GCNT1: variants seen among roughly 807,000 people sequenced by gnomAD.
The protein encoded by GCNT1 is beta-1,3-galactosyl-O-glycosyl-glycoprotein beta-1,6-N-acetylglucosaminyltransferase.
GCNT1 carries 16 observed loss-of-function variants against 26.2 expected under a neutral mutation model. The observed-to-expected ratio is 0.61, with a 90% CI of 0.41 to 0.93. The LOEUF is 0.93. Ranked by LOEUF, GCNT1 falls within the 40% of genes least tolerant of loss-of-function variation. GCNT1 has a pLI of 0.00. For synonymous variants in GCNT1, 183 were observed against 190.8 expected, an observed-to-expected ratio of 0.96 and a Z score of 0.34; for missense variants, 477 against 526.7, an observed-to-expected ratio of 0.91 and a Z score of 0.92.
intron 2 of GCNT1, among the ~76,000 whole-genome samples, chr9:76,493,950 T>G (rs1824825494): frequency 6.6e-6 from 1 of 152,072 alleles, no homozygotes; most frequent in Admixed American, 6.6e-5. Context: ...AGCCACTTCT[T>G]TTTCAGGGTT....
chr9:76,425,791 G>A (rs1226304620), intron 1 of GCNT1, among the ~76,000 whole-genome samples: 7 of 152,120 alleles, frequency 4.6e-5, no homozygotes, highest in Non-Finnish European at 8.8e-5. Context: ...AGTCAAGAGC[G>A]CTGATTGGTT....
chr9:76,450,698 T>G (rs1450028715), intron 1 of GCNT1, among the ~76,000 whole-genome samples: 1 of 152,230 alleles, frequency 6.6e-6, no homozygotes, highest in Admixed American at 6.5e-5. Flanking sequence ...TAGTGAAGTA[T>G]CTTATCATGC....
intron 1 of GCNT1, among the ~76,000 whole-genome samples, chr9:76,433,040 AC>A: frequency 6.6e-6 from 1 of 152,038 alleles, no homozygotes; most frequent in African/African-American, 2.4e-5. Flanking sequence ...GTGGGAGACC[AC>A]CCTTGTGGCC....
upstream of GCNT1, among the ~76,000 whole-genome samples, chr9:76,456,497 ACT>A (rs1343560586): frequency 6.6e-6 from 1 of 151,742 alleles, no homozygotes; most frequent in East Asian, 1.9e-4. Flanking sequence ...TCCTGCAGTT[ACT>A]CTCTCTCTGT....
the GCNT1 span, among the ~76,000 whole-genome samples, chr9:76,402,650 A>G: frequency 6.6e-6 from 1 of 151,684 alleles, no homozygotes; most frequent in Non-Finnish European, 1.5e-5. Context: ...CAGCTGCCTC[A>G]TAATAACCCA....
rs1165657950 is a variant in GCNT1, at chr9:76,425,136, CTAAAAAAAAAAA to C, written n.38+5250_38+5261del. On this transcript the variant is annotated intron_variant and non_coding_transcript_variant, in intron 1 of 3. Transcript: ENST00000488136. ...CCTGGATGACAGAACGAAACTCCGT[CTAAAAAAAAAAA>C]AAAAAAAAAAAAGACATTGAACCAT... Among the ~76,000 whole-genome samples, 374 of 58,750 alleles carry C rather than the reference CTAAAAAAAAAAA, an allele frequency of 6.4e-3. 2 individuals carry two copies. The highest frequency in any genetic ancestry group is 0.022 in the African/African-American group (361 of 16,066). 38.5% of individuals were successfully genotyped at this position (58,750 alleles called of 152,430 possible). A position where few individuals can be genotyped will look rare whatever the true frequency, so the allele number is the denominator to read the frequency against.
chr9:76,396,051 C>T, the GCNT1 span, among the ~76,000 whole-genome samples: 2 of 152,160 alleles, frequency 1.3e-5, no homozygotes. Context: ...TTTTTAACTT[C>T]ATCAGCAGTG....
At chr9:76,415,539 C>T (rs1393697403), upstream of GCNT1, among the ~76,000 whole-genome samples, 1 of 152,158 alleles carries the variant, frequency 6.6e-6, no homozygotes, top group African/African-American at 2.4e-5. Flanking sequence ...AATTCATGGC[C>T]TAGCCAAAGA....
At chr9:76,485,394 G>C (rs1323811715) in intron 2 of GCNT1, among the ~76,000 whole-genome samples, 1 of 151,630 alleles carries the variant, frequency 6.6e-6, no homozygotes, top group Non-Finnish European at 1.5e-5. Flanking sequence ...GCCTGGTCTT[G>C]AACTCCTGAC....
chr9:76,398,633 A>G, the GCNT1 span: 13 of 889,046 alleles, frequency 1.5e-5, no homozygotes, highest in Non-Finnish European at 2.3e-5. Flanking sequence ...TTTCCGCGCT[A>G]CCTACAGAGG....
intron 2 of GCNT1, among the ~76,000 whole-genome samples, chr9:76,491,662 C>T (rs1234493078): frequency 2.6e-5 from 4 of 152,172 alleles, no homozygotes; most frequent in African/African-American, 9.7e-5. Flanking sequence ...CACAAATGAA[C>T]ATCCATTGGT....
chr9:76,435,759 G>C (rs1193720963), intron 1 of GCNT1, among the ~76,000 whole-genome samples: 3 of 152,120 alleles, frequency 2.0e-5, no homozygotes, highest in Non-Finnish European at 4.4e-5. Flanking sequence ...TCACATCAGA[G>C]GTTGGGACTT....
rs1825204172 is a variant in GCNT1, at chr9:76,505,124, GACTTTAAAC to G, written c.*1458_*1466del. ...TGTGAGGCTTTGTCATTTAGCATTA[GACTTTAAAC>G]AAGAATTAAAATCATGTGCTGTATT... On this transcript the variant is annotated 3_prime_UTR_variant, in exon 4 of 4. Coordinates refer to ENST00000376730, the MANE Select transcript of GCNT1 (RefSeq NM_001490.5). 2.4e-6 allele frequency: 1 copy of G among 410,644 alleles called. No homozygotes were observed. Among genetic ancestry groups the G allele is most frequent in the African/African-American group, 2.1e-5 (1 of 48,550 alleles). 25.4% of individuals were successfully genotyped at this position (410,644 alleles called of 1,614,324 possible). A position where few individuals can be genotyped will look rare whatever the true frequency, so the allele number is the denominator to read the frequency against.
chr9:76,394,005 C>T, the GCNT1 span: 3 of 1,333,018 alleles, frequency 2.3e-6, no homozygotes, highest in Non-Finnish European at 2.1e-6. Flanking sequence ...GGAGGCCCCA[C>T]GCCCCGGTCC....
intron 1 of GCNT1, among the ~76,000 whole-genome samples, chr9:76,450,926 T>C (rs922789331): frequency 2.6e-5 from 4 of 152,236 alleles, no homozygotes; most frequent in African/African-American, 9.6e-5. Context: ...TTCTGAGAAA[T>C]GCTGCCTGCT....
intron 2 of GCNT1, among the ~76,000 whole-genome samples, chr9:76,465,520 GA>G (rs566399426): frequency 4.0e-4 from 61 of 152,288 alleles, no homozygotes; most frequent in Non-Finnish European, 7.2e-4. Context: ...GCAAACCCAA[GA>G]AAGGCTTCTA....
intron 2 of GCNT1, among the ~76,000 whole-genome samples, chr9:76,464,030 C>CTTTT (rs1192946211): frequency 3.1e-5 from 4 of 128,358 alleles, no homozygotes; most frequent in Non-Finnish European, 4.8e-5. Flanking sequence ...ACTCCCATCT[C>CTTTT]TTTTTTTGTT....
chr9:76,455,158 T>C (rs139222469), upstream of GCNT1, among the ~76,000 whole-genome samples: 412 of 152,276 alleles, frequency 2.7e-3, 2 homozygotes, highest in African/African-American at 9.5e-3. Flanking sequence ...TAAACCTCTT[T>C]TCTTTATAAA....
chr9:76,439,662 G>GCT (rs1405335123), upstream of GCNT1, among the ~76,000 whole-genome samples: 1 of 152,122 alleles, frequency 6.6e-6, no homozygotes, highest in Non-Finnish European at 1.5e-5. Flanking sequence ...TATTCTTATG[G>GCT]CTCTCTCCTC....
Sources: gnomAD v4.1 joint callset for allele counts (sites outside exome capture counted in the v4.1 genomes callset) on GRCh38, gnomAD v4.1.1 for gene constraint, MANE v1.5 for transcripts, NCBI Gene and HGNC (gene_info 2026-07-23, HGNC 2026-07-21) for gene names.